Variants in CDK18 observed in about 807,000 individuals in gnomAD.
CDK18 encodes cyclin-dependent kinase 18.
In CDK18, 52 loss-of-function variants were observed where a neutral mutation model predicts 62.0. The observed-to-expected ratio is 0.84, with a 90% CI of 0.67 to 1.06. The LOEUF (loss-of-function observed/expected upper bound fraction) is 1.06. Ranked by LOEUF, CDK18 falls within the 50% of genes least tolerant of loss-of-function variation. The probability of loss-of-function intolerance (pLI) is 0.00; values close to 1 mark genes in which losing one functional copy is unlikely to be tolerated. For synonymous variants in CDK18, 237 were observed against 247.0 expected (o/e 0.96, Z 0.38); for missense variants, 604 against 619.9 (o/e 0.97, Z 0.27).
intron 14 of CDK18, 82 bp from the exon 15 acceptor site, chr1:205,530,546 C>A: frequency 7.5e-7 from 1 of 1,328,832 alleles, no homozygotes. Context: ...GCCTCGAGGG[C>A]TCAGTTGGTC....
intron 13 of CDK18, chr1:205,529,811 C>G: frequency 1.4e-6 from 2 of 1,386,842 alleles, no homozygotes; most frequent in East Asian, 2.5e-5. Context: ...CTCCTCCATG[C>G]CTCAGTTTCC....
chr1:205,510,777 G>A (rs971496172), intron 1 of CDK18, among the ~76,000 whole-genome samples: 2 of 152,238 alleles, frequency 1.3e-5, no homozygotes, highest in Non-Finnish European at 2.9e-5. Context: ...CCTGAAACAT[G>A]AGGGTGCAGA....
At position 205,526,465 on chromosome 1, in the gene CDK18, A is replaced by G. The variant is rs371630859; in HGVS notation, c.666+4A>G. On this transcript the variant is annotated splice_donor_region_variant and intron_variant, in intron 7 of 15. Coordinates refer to ENST00000429964, the MANE Select transcript of CDK18 (RefSeq NM_212502.3). ...CACCCTGGTGTTTGAGTACCTGGTG[A>G]GAGTCCGGCTGGGGCTGGCCGCCTC... 7.8e-5 allele frequency: 126 copies of G among 1,610,166 alleles called. No individual in the cohort carries two copies. The highest frequency in any genetic ancestry group is 1.0e-4 in the Non-Finnish European group (122 of 1,176,720).
chr1:205,530,880 T>C (rs542530096), intron 15 of CDK18, among the ~76,000 whole-genome samples, 175 bp downstream of exon 15: 293 of 152,248 alleles, frequency 1.9e-3, no homozygotes, highest in African/African-American at 6.6e-3. Flanking sequence ...AGCTCTTCCC[T>C]CCTCAACCCT....
In CDK18 at chr1:205,516,207, C is replaced by T. The variant is rs1000403035; in HGVS notation, c.-21-6940C>T. Among the ~76,000 whole-genome samples, 1 of 152,166 alleles carries T rather than the reference C, an allele frequency of 6.6e-6. No individual in the cohort carries two copies. The highest frequency in any genetic ancestry group is 1.5e-5 in the Non-Finnish European group (1 of 68,030). ...GCAGGCTCCCAGCAGGCACAGTTCT[C>T]CCTGGGAGGAGGGAGTGTCTCTGAG... On this transcript the variant is annotated intron_variant, in intron 1 of 15. Coordinates refer to ENST00000429964, the MANE Select transcript of CDK18 (RefSeq NM_212502.3). The surrounding 1 kb of genome is among the most constrained non-coding windows in gnomAD (Gnocchi z 4.8).
Position 205,528,185 on chromosome 1 carries a change from G to A in CDK18, c.974+17G>A, listed in dbSNP as rs763285361. ...TGATATGTGGTGAGTGAGCACTGTG[G>A]GGACCGAGGAGGGGAGGACAGGCCT... On this transcript the variant is annotated intron_variant, in intron 10 of 15. Coordinates refer to ENST00000429964, the MANE Select transcript of CDK18 (RefSeq NM_212502.3). The surrounding 1 kb of genome is among the most constrained non-coding windows in gnomAD (Gnocchi z 4.2). 5 of 1,612,752 alleles carry A rather than the reference G, an allele frequency of 3.1e-6. No individual in the cohort carries two copies.
intron 1 of CDK18, among the ~76,000 whole-genome samples, chr1:205,513,015 T>C (rs1667641384): frequency 6.6e-6 from 1 of 152,130 alleles, no homozygotes; most frequent in Non-Finnish European, 1.5e-5. Context: ...AGAGGGCTAT[T>C]GGGTGGGTGA....
chr1:205,507,633 CAAAAAAAAAA>C (rs56313401), intron 1 of CDK18, among the ~76,000 whole-genome samples: 14 of 72,198 alleles, frequency 1.9e-4, no homozygotes, highest in Admixed American at 5.9e-4. Flanking sequence ...GACTCCGTCT[CAAAAAAAAAA>C]AAAAAAAAAA....
At position 205,525,146 on chromosome 1, in the gene CDK18, T is replaced by A. The variant is rs367572683; in HGVS notation, c.407T>A (p.Ile136Asn). Reference protein sequence around the residue: ...RMSRRASLSDIGFGKLETYVK... With the variant: ...RMSRRASLSDNGFGKLETYVK... ...TATGTCTCTCCCTCTCAGTCAGACA[T>A]TGGCTTTGGGAAACTGGAAACATAC... is the stretch of plus-strand genomic sequence containing the variant. Residue 136 changes from isoleucine (I) to asparagine (N), a missense_variant, in exon 5 of 16, where the codon ATT becomes AAT. Physicochemically the swap from Ile to Asn is moderately radical, Grantham distance 149 (BLOSUM62 -3). Coordinates refer to ENST00000429964, the MANE Select transcript of CDK18 (RefSeq NM_212502.3). The A allele has an allele frequency of 6.2e-7, 1 of 1,607,924 alleles. No individual in the cohort carries two copies. Among genetic ancestry groups the A allele is most frequent in the Non-Finnish European group, 8.5e-7 (1 of 1,175,500 alleles).
intron 1 of CDK18, among the ~76,000 whole-genome samples, chr1:205,505,129 G>A (rs1667243210): frequency 6.6e-6 from 1 of 152,122 alleles, no homozygotes; most frequent in African/African-American, 2.4e-5. Flanking sequence ...GATCACTTTG[G>A]CCCCTGGGCT....
Position 205,524,366 on chromosome 1 carries a change from C to T in CDK18, c.399+9C>T, listed in dbSNP as rs1198814347. 1 of 1,614,050 alleles carries T rather than the reference C, an allele frequency of 6.2e-7. No individual in the cohort carries two copies. Among genetic ancestry groups the T allele is most frequent in the South Asian group, 1.1e-5 (1 of 91,076 alleles). On this transcript the variant is annotated intron_variant, in intron 4 of 15. Coordinates refer to ENST00000429964, the MANE Select transcript of CDK18 (RefSeq NM_212502.3). Reference sequence around the variant, plus strand: ...CCCGCCGGGCCTCCCTGGTGAGTCCCAAGAGGGTCAGAGGACACAAGGTGG... The same window carrying T: ...CCCGCCGGGCCTCCCTGGTGAGTCCTAAGAGGGTCAGAGGACACAAGGTGG...
intron 1 of CDK18, among the ~76,000 whole-genome samples, chr1:205,518,657 C>T (rs1157469159): frequency 6.6e-6 from 1 of 152,232 alleles, no homozygotes; most frequent in East Asian, 1.9e-4. Context: ...GGATGTTCAG[C>T]ATCTTCACTG....
At chr1:205,521,323 T>C (rs1668116266) in intron 1 of CDK18, among the ~76,000 whole-genome samples, 1 of 152,242 alleles carries the variant, frequency 6.6e-6, no homozygotes, top group African/African-American at 2.4e-5. Context: ...GCAATCCTCC[T>C]GCTTCAGCCT....
intron 1 of CDK18, among the ~76,000 whole-genome samples, chr1:205,520,779 G>A (rs192184169): frequency 3.3e-5 from 5 of 152,144 alleles, no homozygotes; most frequent in East Asian, 3.9e-4. Context: ...TATCTTGCTC[G>A]GAAATGGGAG....
At chr1:205,526,891 C>A in intron 8 of CDK18, 54 bp downstream of exon 8, 1 of 1,436,018 alleles carries the variant, frequency 7.0e-7, no homozygotes, top group Non-Finnish European at 9.8e-7. Context: ...GTCCAGAAGC[C>A]CAGTGTGGGG....
In CDK18 at chr1:205,531,659, CCT is replaced by C; in HGVS notation, c.*285_*286del. ...CATGAGGGGGGGGCGGTCCTCGTAC[CCT>C]CTCCCACCCTGGTGTTTGGGCACCT... On this transcript the variant is annotated 3_prime_UTR_variant, in exon 16 of 16. Transcript: ENST00000429964. 1 of 444,098 alleles carries C rather than the reference CCT, an allele frequency of 2.3e-6. No homozygotes were observed. The highest frequency in any genetic ancestry group is 4.2e-6 in the Non-Finnish European group (1 of 240,286). The allele number at this position is 444,098 out of a possible 1,614,324, so 27.5% of individuals were successfully genotyped here.
At chr1:205,508,915 A>C in intron 1 of CDK18, among the ~76,000 whole-genome samples, 1 of 152,020 alleles carries the variant, frequency 6.6e-6, no homozygotes, top group East Asian at 1.9e-4. Flanking sequence ...TTGGAAGGCC[A>C]AGGCGGGTGG....
Position 205,527,923 on chromosome 1 carries a change from G to T in CDK18, c.853+6G>T. The T allele has an allele frequency of 6.2e-7, 1 of 1,614,084 alleles. No individual in the cohort carries two copies. Among genetic ancestry groups the T allele is most frequent in the Non-Finnish European group, 8.5e-7 (1 of 1,179,998 alleles). On this transcript the variant is annotated splice_donor_region_variant and intron_variant, in intron 9 of 15. Transcript: ENST00000429964. The surrounding 1 kb of genome is among the most constrained non-coding windows in gnomAD (Gnocchi z 4.1). ...GCTGAAGCTGGCCGACTTTGGTGAG[G>T]CTGGGGCTAGGGTGGGGGTCTGACG... is the stretch of plus-strand genomic sequence containing the variant.
rs1668516231 is a variant in CDK18 at position 205,527,820 on chromosome 1, C to T, written c.756C>T (p.Gly252=). ...TTTTCATGTTCCAGCTGCTCCGGGG[C>T]CTCGCCTACTGTCACCACCGCAAGA... ...VKIFMFQLLR[G]LAYCHHRKIL... Residue 252 remains glycine, a synonymous_variant, in exon 9 of 16, where the codon GGC becomes GGT. Transcript: ENST00000429964. This position sits in a 1 kb window ranked among gnomAD's most constrained non-coding sequence, Gnocchi z 4.1. 1 of 1,614,030 alleles carries T rather than the reference C, an allele frequency of 6.2e-7. No individual in the cohort carries two copies. Among genetic ancestry groups the T allele is most frequent in the East Asian group, 2.2e-5 (1 of 44,878 alleles).
Sources: allele counts gnomAD v4.1 joint callset (sites outside exome capture counted in the v4.1 genomes callset), GRCh38; gene constraint gnomAD v4.1.1; non-coding constraint Gnocchi (gnomAD v3.1); transcripts MANE v1.5; gene names NCBI Gene and HGNC (gene_info 2026-07-23, HGNC 2026-07-21).